Variants in EDARADD observed in about 807,000 individuals in gnomAD.
EDARADD encodes ectodysplasin-A receptor-associated adapter protein.
A neutral mutation model predicts 25.6 loss-of-function variants in EDARADD; 20 were observed. The observed-to-expected ratio is 0.78, with a 90% CI of 0.55 to 1.14. The LOEUF is 1.14. EDARADD is among the 50% of genes most tolerant of loss of function. The pLI, the probability that EDARADD is intolerant of heterozygous loss-of-function variation, is 0.00. For synonymous variants in EDARADD, 86 were observed against 94.4 expected (o/e 0.91, Z 0.52); for missense variants, 225 against 270.1 (o/e 0.83, Z 1.17).
intron 2 of EDARADD, 151 bp from the exon 3 acceptor site, chr1:236,414,109 C>A: frequency 1.4e-6 from 1 of 695,762 alleles, no homozygotes; most frequent in Non-Finnish European, 2.6e-6. Flanking sequence ...AGAATAAACA[C>A]AATCAATGGA....
Position 236,430,980 on chromosome 1 carries a change from G to A in EDARADD, c.219+3530G>A, listed in dbSNP as rs1458407887. Among the ~76,000 whole-genome samples the A allele has an allele frequency of 2.0e-5, 3 of 152,202 alleles. No homozygotes were observed. In the East Asian group the frequency reaches 5.8e-4, roughly 29 times the overall value. Reference sequence around the variant, plus strand: ...AAACTACAATAATTAGCAGGGTGCAGTGGCAGGCGCCTGTAATCCCAACTA... The same window carrying A: ...AAACTACAATAATTAGCAGGGTGCAATGGCAGGCGCCTGTAATCCCAACTA... On this transcript the variant is annotated intron_variant, in intron 4 of 5. Coordinates refer to ENST00000334232, the MANE Select transcript of EDARADD (RefSeq NM_145861.4).
chr1:236,380,135 C>G (rs1056141349), intron 3 of EDARADD, among the ~76,000 whole-genome samples: 3 of 152,132 alleles, frequency 2.0e-5, no homozygotes, highest in Non-Finnish European at 2.9e-5. Context: ...CGCTCCCATG[C>G]CTTCTAGAGA....
intron 4 of EDARADD, among the ~76,000 whole-genome samples, chr1:236,465,758 G>C (rs955283180): frequency 2.0e-5 from 3 of 152,108 alleles, no homozygotes; most frequent in Non-Finnish European, 2.9e-5. Flanking sequence ...TTGAATAAAG[G>C]CATGTGTATG....
intron 4 of EDARADD, among the ~76,000 whole-genome samples, chr1:236,452,972 C>T (rs1448035298): frequency 2.6e-5 from 4 of 152,210 alleles, no homozygotes; most frequent in Non-Finnish European, 4.4e-5. Flanking sequence ...CTAAATGCTG[C>T]TTCGGTGAAT....
intron 3 of EDARADD, among the ~76,000 whole-genome samples, chr1:236,384,529 A>G (rs936642840): frequency 2.0e-5 from 3 of 152,164 alleles, no homozygotes; most frequent in Non-Finnish European, 4.4e-5. Context: ...TAGCCTGACT[A>G]CAGGTGCATG....
chr1:236,405,765 CTTTCTTTCTTTCTTTCTTTCTTTCT>C (rs772000546), intron 1 of EDARADD, among the ~76,000 whole-genome samples: 2,212 of 64,640 alleles, frequency 0.034, 69 homozygotes, highest in South Asian at 0.057. Flanking sequence ...TTCTTTCTTT[CTTTCTTTCTTTCTTTCTTTCTTTCT>C]TTTCTTTTTC....
intron 3 of EDARADD, among the ~76,000 whole-genome samples, chr1:236,424,682 AATTAACCCTTTTAC>A (rs1274825821): frequency 6.6e-6 from 1 of 151,914 alleles, no homozygotes; most frequent in Non-Finnish European, 1.5e-5. Context: ...TGTCAGGGTG[AATTAACCCTTTTAC>A]TGTGCCCCGG....
At chr1:236,410,065 T>A (rs1417720447) in intron 2 of EDARADD, among the ~76,000 whole-genome samples, 1 of 152,228 alleles carries the variant, frequency 6.6e-6, no homozygotes, top group African/African-American at 2.4e-5. Context: ...ATTGGTTTTT[T>A]AAAATTCATT....
intron 4 of EDARADD, among the ~76,000 whole-genome samples, chr1:236,437,991 G>A (rs1292402163): frequency 6.6e-6 from 1 of 152,048 alleles, no homozygotes; most frequent in African/African-American, 2.4e-5. Context: ...CAGGTGATCC[G>A]CCCACCTTGC....
intron 3 of EDARADD, among the ~76,000 whole-genome samples, chr1:236,388,359 T>A (rs935607913): frequency 6.6e-6 from 1 of 152,224 alleles, no homozygotes; most frequent in Admixed American, 6.5e-5. Flanking sequence ...TTATTCTTTC[T>A]CAAAGTGATC....
At chr1:236,396,914 G>A (rs199748594) in intron 1 of EDARADD, among the ~76,000 whole-genome samples, 1 of 141,686 alleles carries the variant, frequency 7.1e-6, no homozygotes, top group East Asian at 2.1e-4. Context: ...GCCAAGGGGT[G>A]TTTTAGGCTG....
Position 236,368,454 on chromosome 1 carries a change from T to C in EDARADD, c.-6+17615T>C, listed in dbSNP as rs567107023. Among the ~76,000 whole-genome samples the C allele has an allele frequency of 4.0e-5, 6 of 150,814 alleles. No homozygotes were observed. The South Asian group carries it at 6.3e-4, about 16-fold the overall frequency. On this transcript the variant is annotated intron_variant, in intron 3 of 7. Transcript: ENST00000439430. ...TCCAGTCTTTTCTTTTTTTTTTTTT[T>C]TTTTTGACAGAGTTTCACTCTTGTT...
intron 1 of EDARADD, among the ~76,000 whole-genome samples, chr1:236,407,081 A>G (rs77153612): frequency 0.014 from 2,175 of 152,314 alleles, 50 homozygotes; most frequent in African/African-American, 0.049. Flanking sequence ...CCACACAGGA[A>G]TCTGAGGGGT....
At chr1:236,350,030 T>G (rs1221373799) in intron 2 of EDARADD, among the ~76,000 whole-genome samples, 2 of 152,128 alleles carry the variant, frequency 1.3e-5, no homozygotes, top group African/African-American at 4.8e-5. Flanking sequence ...GAGGATTGCT[T>G]GAACCCAGGA....
At chr1:236,466,294 A>G (rs561855087) in intron 4 of EDARADD, among the ~76,000 whole-genome samples, 2 of 152,276 alleles carry the variant, frequency 1.3e-5, no homozygotes, top group East Asian at 3.9e-4. Context: ...CCCTAAAGTC[A>G]TGGGGCTTCT....
intron 4 of EDARADD, among the ~76,000 whole-genome samples, chr1:236,467,673 C>T (rs184068552): frequency 1.3e-5 from 2 of 151,816 alleles, no homozygotes; most frequent in Non-Finnish European, 2.9e-5. Flanking sequence ...GACAACAAGC[C>T]CTGACAGACA....
At chr1:236,447,607 G>A (rs546807812) in intron 4 of EDARADD, among the ~76,000 whole-genome samples, 4 of 152,196 alleles carry the variant, frequency 2.6e-5, no homozygotes, top group South Asian at 2.1e-4. Flanking sequence ...CCTGTTAAGC[G>A]GGAGGGGTCA....
intron 3 of EDARADD, among the ~76,000 whole-genome samples, chr1:236,425,894 T>C (rs925002795): frequency 6.6e-6 from 1 of 152,266 alleles, no homozygotes; most frequent in African/African-American, 2.4e-5. Flanking sequence ...TAATGAAATC[T>C]GACCAAATGT....
chr1:236,482,189 G>A lies in EDARADD; in HGVS notation c.266-78G>A, dbSNP rs143242987. 5,762 of 1,543,310 alleles carry A rather than the reference G, an allele frequency of 3.7e-3. 13 individuals carry two copies. Among genetic ancestry groups the A allele is most frequent in the Middle Eastern group, 7.5e-3 (40 of 5,368 alleles). On this transcript the variant is annotated intron_variant, in intron 5 of 5. Coordinates refer to ENST00000334232, the MANE Select transcript of EDARADD (RefSeq NM_145861.4). ...TATGATGCTTTTGACAATTCAGCAG[G>A]AAAATAAAGGATGTAAGAAATGAAT...
Sources: gnomAD v4.1 joint callset for allele counts (sites outside exome capture counted in the v4.1 genomes callset) on GRCh38, gnomAD v4.1.1 for gene constraint, MANE v1.5 for transcripts, NCBI Gene and HGNC (gene_info 2026-07-23, HGNC 2026-07-21) for gene names.